The following LRMDA variants were observed in gnomAD, a reference collection of about 807,000 sequenced individuals.
LRMDA encodes leucine-rich melanocyte differentiation-associated protein.
A neutral mutation model predicts 29.8 loss-of-function variants in LRMDA; 18 were observed. The ratio of observed to expected loss-of-function variants is 0.60; its 90% CI spans 0.42 to 0.90. The LOEUF (loss-of-function observed/expected upper bound fraction) is 0.90, where lower values mean the gene tolerates loss of function less well. Ranked by LOEUF, LRMDA falls within the 40% of genes least tolerant of loss-of-function variation. The pLI, the probability that LRMDA is intolerant of heterozygous loss-of-function variation, is 0.00. For missense variants in LRMDA, 273 were observed against 273.9 expected, an observed-to-expected ratio of 1.00 and a Z score of 0.02; for synonymous variants, 125 against 109.4, an observed-to-expected ratio of 1.14 and a Z score of -0.89.
intron 6 of LRMDA, among the ~76,000 whole-genome samples, chr10:76,507,205 A>AT (rs56938536): frequency 1.0e-4 from 15 of 149,358 alleles, no homozygotes; most frequent in East Asian, 9.9e-4. Flanking sequence ...AATGTTGAAC[A>AT]TTTTTTTTTT....
chr10:75,917,189 C>A (rs72811488), intron 2 of LRMDA, among the ~76,000 whole-genome samples: 1 of 152,186 alleles, frequency 6.6e-6, no homozygotes, highest in African/African-American at 2.4e-5. Flanking sequence ...AGGTAAGTTA[C>A]AGAATAGGTA....
intron 6 of LRMDA, among the ~76,000 whole-genome samples, chr10:76,463,987 C>T (rs1206755987): frequency 2.2e-5 from 3 of 137,468 alleles, no homozygotes; most frequent in African/African-American, 2.7e-5. Context: ...GGCGTGATCT[C>T]GGTTCACTGC....
chr10:75,977,905 C>T (rs559088574), intron 2 of LRMDA, among the ~76,000 whole-genome samples: 9 of 130,030 alleles, frequency 6.9e-5, no homozygotes, highest in South Asian at 5.6e-4. Context: ...CCTCAGTTTC[C>T]GCATCTGTGG....
chr10:75,548,676 G>T (rs945444730), intron 2 of LRMDA, among the ~76,000 whole-genome samples: 2 of 152,036 alleles, frequency 1.3e-5, no homozygotes, highest in Non-Finnish European at 2.9e-5. Flanking sequence ...ACATGAAAAT[G>T]AATTTTCATA....
chr10:75,769,037 G>A (rs1052728219), intron 2 of LRMDA, among the ~76,000 whole-genome samples: 1 of 152,162 alleles, frequency 6.6e-6, no homozygotes, highest in African/African-American at 2.4e-5. Flanking sequence ...CATCAGAGAC[G>A]GGCAAAGTGT....
At chr10:75,649,366 G>A (rs1023624587) in intron 2 of LRMDA, among the ~76,000 whole-genome samples, 1 of 152,120 alleles carries the variant, frequency 6.6e-6, no homozygotes, top group Admixed American at 6.5e-5. Flanking sequence ...GAACAGTTGG[G>A]TTACTTCCAC....
intron 2 of LRMDA, among the ~76,000 whole-genome samples, chr10:75,864,263 C>T (rs528259335): frequency 2.7e-4 from 41 of 152,246 alleles, no homozygotes; most frequent in African/African-American, 8.4e-4. Context: ...ATTGCAAAGA[C>T]GAGATGATAT....
intron 2 of LRMDA, among the ~76,000 whole-genome samples, chr10:75,750,156 C>G (rs548341568): frequency 3.3e-5 from 5 of 152,206 alleles, no homozygotes; most frequent in Admixed American, 1.3e-4. Flanking sequence ...ACCTCCCAGA[C>G]GGGGTGGCGG....
intron 2 of LRMDA, among the ~76,000 whole-genome samples, chr10:75,946,779 C>A (rs1006051913): frequency 1.3e-5 from 2 of 152,196 alleles, no homozygotes; most frequent in African/African-American, 4.8e-5. Context: ...TACATCCCGC[C>A]TGCTACAGAC....
At chr10:76,314,051 C>T (rs909975806) in intron 5 of LRMDA, among the ~76,000 whole-genome samples, 1 of 151,736 alleles carries the variant, frequency 6.6e-6, no homozygotes, top group Non-Finnish European at 1.5e-5. Flanking sequence ...CCTTGCAATA[C>T]CCAACAAAGC....
chr10:75,438,600 G>T, intron 2 of LRMDA, 106 bp downstream of exon 2: 2 of 823,344 alleles, frequency 2.4e-6, no homozygotes, highest in Non-Finnish European at 4.0e-6. Context: ...CACATGGGTT[G>T]TCCTTTTATT....
intron 5 of LRMDA, among the ~76,000 whole-genome samples, chr10:76,099,564 T>G (rs1182029743): frequency 1.3e-5 from 2 of 148,612 alleles, no homozygotes; most frequent in African/African-American, 2.5e-5. Flanking sequence ...CTCTGAGCCC[T>G]GCTTTAGCTG....
chr10:75,979,448 G>A (rs909680611), intron 2 of LRMDA, among the ~76,000 whole-genome samples: 1 of 152,102 alleles, frequency 6.6e-6, no homozygotes, highest in Non-Finnish European at 1.5e-5. Flanking sequence ...TATTGAACAT[G>A]GTGCCAGGTA....
In LRMDA at chr10:75,572,823, C is replaced by T. The variant is rs535893966; in HGVS notation, c.131+134329C>T. Among the ~76,000 whole-genome samples the T allele has an allele frequency of 2.0e-5, 3 of 152,216 alleles. No homozygotes were observed. The South Asian group carries it at 6.2e-4, about 32-fold the overall frequency. ...TTTAGATGAGGCCATAACGGTGGAG[C>T]CCTGATCCAGTAGTACTAGTGTCTT... On this transcript the variant is annotated intron_variant, in intron 2 of 6. Transcript: ENST00000611255.
At chr10:76,257,759 A>G (rs1332411964) in intron 5 of LRMDA, among the ~76,000 whole-genome samples, 1 of 152,098 alleles carries the variant, frequency 6.6e-6, no homozygotes, top group Non-Finnish European at 1.5e-5. Flanking sequence ...TCGAAATTTA[A>G]TGGCTTAAAA....
chr10:75,873,544 T>G (rs1224583757), intron 2 of LRMDA, among the ~76,000 whole-genome samples: 1 of 152,186 alleles, frequency 6.6e-6, no homozygotes, highest in African/African-American at 2.4e-5. Context: ...CATGGCAATG[T>G]TTTTGTGGTA....
At chr10:76,100,882 T>C (rs1849384824) in intron 5 of LRMDA, among the ~76,000 whole-genome samples, 1 of 151,778 alleles carries the variant, frequency 6.6e-6, no homozygotes, top group Non-Finnish European at 1.5e-5. Context: ...AGAGAGGTCC[T>C]TGGAAAAGAG....
intron 6 of LRMDA, among the ~76,000 whole-genome samples, chr10:76,555,766 C>A (rs1404547531): frequency 3.8e-4 from 48 of 124,814 alleles, no homozygotes; most frequent in East Asian, 2.4e-3. Context: ...ACAAATTAAC[C>A]AAAAAAAAAA....
At chr10:75,560,904 A>T (rs1210928042) in intron 2 of LRMDA, among the ~76,000 whole-genome samples, 1 of 151,996 alleles carries the variant, frequency 6.6e-6, no homozygotes, top group African/African-American at 2.4e-5. Context: ...ATGGTGGGTA[A>T]GCTTTTTGAT....
Sources: allele counts gnomAD v4.1 joint callset (sites outside exome capture counted in the v4.1 genomes callset), GRCh38; gene constraint gnomAD v4.1.1; transcripts MANE v1.5; gene names NCBI Gene and HGNC (gene_info 2026-07-23, HGNC 2026-07-21).